BORCS5: variants seen among roughly 807,000 people sequenced by gnomAD.
BORCS5 encodes BLOC-1-related complex subunit 5.
Under a neutral mutation model 22.1 loss-of-function variants are expected in BORCS5, and 17 were observed. The observed-to-expected ratio is 0.77, with a 90% CI of 0.53 to 1.15. BORCS5 has a LOEUF of 1.15. Ranked by LOEUF, BORCS5 falls within the 50% of genes most tolerant of loss-of-function variation. The pLI is 0.00. For missense variants in BORCS5, 247 were observed against 253.2 expected, an observed-to-expected ratio of 0.98 and a Z score of 0.17; for synonymous variants, 117 against 99.8, an observed-to-expected ratio of 1.17 and a Z score of -1.03.
chr12:12,445,834 G>A (rs1216285320), intron 3 of BORCS5, among the ~76,000 whole-genome samples: 1 of 146,372 alleles, frequency 6.8e-6, no homozygotes, highest in Admixed American at 6.9e-5. Context: ...TGTAGAGACA[G>A]GGTCTCGCTA....
rs939681383 is a variant in BORCS5 at position 12,423,438 on chromosome 12, CTTTTTTTTTTTTTT to C, written c.203-12175_203-12162del. ...GTCTAGTATTAAGAAACTCCCTCAG[CTTTTTTTTTTTTTT>C]TTTTTTTTTTTTTTCCTGACTGATA... On this transcript the variant is annotated intron_variant, in intron 2 of 3. Coordinates refer to ENST00000314565, the MANE Select transcript of BORCS5 (RefSeq NM_058169.6). Among the ~76,000 whole-genome samples the C allele has an allele frequency of 4.8e-3, 275 of 57,258 alleles. 3 individuals are homozygous for C. Among genetic ancestry groups the C allele is most frequent in the African/African-American group, 0.017 (262 of 15,596 alleles). The allele number at this position is 57,258 out of a possible 152,430, so 37.6% of individuals were successfully genotyped here.
chr12:12,422,963 C>G (rs1942176642), intron 2 of BORCS5, among the ~76,000 whole-genome samples: 1 of 151,092 alleles, frequency 6.6e-6, no homozygotes, highest in Non-Finnish European at 1.5e-5. Context: ...GTTACAAAAA[C>G]CCCTGTAAAT....
chr12:12,462,883 C>T (rs1411910960), intron 3 of BORCS5, among the ~76,000 whole-genome samples: 1 of 149,640 alleles, frequency 6.7e-6, no homozygotes, highest in African/African-American at 2.5e-5. Context: ...TCTCGAACTC[C>T]TGAGCTCAGG....
intron 3 of BORCS5, among the ~76,000 whole-genome samples, chr12:12,459,397 A>G (rs1403018821): frequency 1.3e-5 from 2 of 148,982 alleles, no homozygotes; most frequent in African/African-American, 5.0e-5. Context: ...TGCAACCTCT[A>G]CCTTCCAGGT....
intron 1 of BORCS5, 46 bp downstream of exon 1, chr12:12,357,555 T>C (rs753037622): frequency 6.4e-7 from 1 of 1,570,514 alleles, no homozygotes; most frequent in South Asian, 1.1e-5. Context: ...CCCTGTCCCC[T>C]TGCAGAGCGG....
At chr12:12,400,529 C>T (rs989947773) in intron 2 of BORCS5, among the ~76,000 whole-genome samples, 1 of 150,298 alleles carries the variant, frequency 6.7e-6, no homozygotes, top group Non-Finnish European at 1.5e-5. Context: ...CCTTGTCCTC[C>T]ATAGAGATTA....
rs1565946391 is a variant in BORCS5 at position 12,466,748 on chromosome 12, G to A, written c.*972G>A. 1 of 152,342 alleles carries A rather than the reference G, an allele frequency of 6.6e-6. No homozygotes were observed. The highest frequency in any genetic ancestry group is 2.4e-5 in the African/African-American group (1 of 41,450). 9.4% of individuals were successfully genotyped at this position (152,342 alleles called of 1,614,324 possible). On this transcript the variant is annotated 3_prime_UTR_variant, in exon 4 of 4. Transcript: ENST00000314565. ...GAGCAGACCTAGGCAGACACCTTGA[G>A]ACTAAAAGTCAGAGCTGAAGGGAGT... is the stretch of plus-strand genomic sequence containing the variant.
chr12:12,429,924 T>TA (rs1942379509), intron 2 of BORCS5, among the ~76,000 whole-genome samples: 1 of 152,156 alleles, frequency 6.6e-6, no homozygotes. Flanking sequence ...CTCTTAGGCA[T>TA]ATATGCAGCC....
At chr12:12,463,890 A>G (rs945617064) in intron 3 of BORCS5, among the ~76,000 whole-genome samples, 7 of 152,200 alleles carry the variant, frequency 4.6e-5, no homozygotes, top group Non-Finnish European at 1.0e-4. Context: ...AAACTCTTCA[A>G]GCATCTATCT....
chr12:12,360,610 T>C (rs1863260141), intron 1 of BORCS5, among the ~76,000 whole-genome samples: 1 of 142,542 alleles, frequency 7.0e-6, no homozygotes, highest in Non-Finnish European at 1.5e-5. Flanking sequence ...AGGGTCTCAC[T>C]ATGTTGCCCA....
chr12:12,451,135 C>T (rs757945047), intron 3 of BORCS5, among the ~76,000 whole-genome samples: 6 of 150,720 alleles, frequency 4.0e-5, no homozygotes, highest in Non-Finnish European at 8.8e-5. Flanking sequence ...ATCAAAGGTA[C>T]GCCTATGAGA....
At chr12:12,415,846 G>T (rs1179487391) in intron 2 of BORCS5, among the ~76,000 whole-genome samples, 1 of 152,108 alleles carries the variant, frequency 6.6e-6, no homozygotes, top group Admixed American at 6.5e-5. Flanking sequence ...CCTCATAGAT[G>T]AGTTAGGGAG....
intron 3 of BORCS5, among the ~76,000 whole-genome samples, chr12:12,454,872 G>A (rs1942971427): frequency 6.6e-6 from 1 of 152,166 alleles, no homozygotes; most frequent in Non-Finnish European, 1.5e-5. Context: ...CTTTTAAAAA[G>A]TAGAAGCTGA....
chr12:12,396,060 T>A (rs1399389936), intron 2 of BORCS5, among the ~76,000 whole-genome samples: 4 of 152,066 alleles, frequency 2.6e-5, no homozygotes, highest in Non-Finnish European at 4.4e-5. Context: ...AGTGGCACCA[T>A]CTCGGCTCAC....
intron 2 of BORCS5, among the ~76,000 whole-genome samples, chr12:12,383,573 C>T (rs1054204557): frequency 1.3e-5 from 2 of 149,930 alleles, no homozygotes; most frequent in Non-Finnish European, 3.0e-5. Flanking sequence ...CAGATTTTCT[C>T]AGTTTTTGTT....
At chr12:12,361,747 A>G (rs1331396116) in intron 2 of BORCS5, among the ~76,000 whole-genome samples, 1 of 152,226 alleles carries the variant, frequency 6.6e-6, no homozygotes, top group Admixed American at 6.5e-5. Flanking sequence ...TCCCATGGAA[A>G]GATTTTCATT....
intron 2 of BORCS5, among the ~76,000 whole-genome samples, chr12:12,429,212 T>G (rs796468394): frequency 6.6e-6 from 1 of 152,208 alleles, no homozygotes; most frequent in Non-Finnish European, 1.5e-5. Flanking sequence ...AAATTTACCG[T>G]CTCTAAATTT....
intron 2 of BORCS5, among the ~76,000 whole-genome samples, chr12:12,391,695 ATCTTAACAG>A (rs1481296920): frequency 6.6e-6 from 1 of 151,364 alleles, no homozygotes; most frequent in Non-Finnish European, 1.5e-5. Flanking sequence ...GCACAAAATG[ATCTTAACAG>A]ACTGAAAAGA....
chr12:12,416,037 CT>C (rs1313878104), intron 2 of BORCS5, among the ~76,000 whole-genome samples: 2 of 152,128 alleles, frequency 1.3e-5, no homozygotes, highest in African/African-American at 4.8e-5. Flanking sequence ...TTCTATGTGG[CT>C]TAGCCTTGGT....
Sources: allele counts gnomAD v4.1 joint callset (sites outside exome capture counted in the v4.1 genomes callset), GRCh38; gene constraint gnomAD v4.1.1; transcripts MANE v1.5; gene names NCBI Gene and HGNC (gene_info 2026-07-23, HGNC 2026-07-21).